Variants in HSPG2 observed in about 807,000 individuals in gnomAD.
HSPG2 encodes basement membrane-specific heparan sulfate proteoglycan core protein.
A neutral mutation model predicts 526.6 loss-of-function variants in HSPG2; 278 were observed. The observed-to-expected ratio is 0.53, with a 90% CI of 0.48 to 0.58. HSPG2 has a LOEUF of 0.58. Ranked by LOEUF, HSPG2 falls within the 20% of genes least tolerant of loss-of-function variation. The probability of loss-of-function intolerance (pLI) is 0.00; values close to 1 mark genes in which losing one functional copy is unlikely to be tolerated. For missense variants in HSPG2, 5,354 were observed against 6,099.5 expected, an observed-to-expected ratio of 0.88 and a Z score of 4.07; for synonymous variants, 2,465 against 2,555.4, an observed-to-expected ratio of 0.96 and a Z score of 1.07.
In HSPG2 at chr1:21,833,595, G is replaced by C; in HGVS notation, c.10850C>G (p.Pro3617Arg). The C allele has an allele frequency of 6.2e-7, 1 of 1,614,120 alleles. No individual in the cohort carries two copies. The highest frequency in any genetic ancestry group is 1.1e-5 in the South Asian group (1 of 91,082). The part of the protein sequence containing the change: ...SWSKLDGSLP[P>R]DSRLENNMLM... ...CATGTTGTTCTCCAGGCGGCTGTCA[G>C]GTGGCAGGCTGCCATCCAGCTGCAA... Residue 3617 changes from proline (P) to arginine (R), a missense_variant, in exon 79 of 97, where the codon CCT becomes CGT. Pro to Arg is a moderately radical substitution (Grantham distance 103, BLOSUM62 -2). Coordinates refer to ENST00000374695, the MANE Select transcript of HSPG2 (RefSeq NM_005529.7).
rs373117039 is a variant in HSPG2 at position 21,854,341 on chromosome 1, C to T, written c.6291G>A (p.Val2097=). Residue 2097 remains valine, a splice_region_variant and synonymous_variant, in exon 50 of 97, where the codon GTG becomes GTA. Transcript: ENST00000374695. ...GGGGGAGCCGCAGACGGGAGCCGTG[C>T]ACCTGGGCCAGGAGGAGCCAGAGGT... ...RGGSLPPHTQ[V]HGSRLRLPQV... 4.5e-6 allele frequency: 7 copies of T among 1,566,882 alleles called. No individual in the cohort carries two copies. The African/African-American group carries it at 5.4e-5, about 12-fold the overall frequency.
At chr1:21,899,828 C>G (rs969913733) in intron 1 of HSPG2, among the ~76,000 whole-genome samples, 1 of 152,212 alleles carries the variant, frequency 6.6e-6, no homozygotes, top group African/African-American at 2.4e-5. Context: ...GCATCCCACC[C>G]CAAGCCTTCT....
intron 1 of HSPG2, among the ~76,000 whole-genome samples, chr1:21,912,909 G>A (rs1034303225): frequency 6.6e-6 from 1 of 152,022 alleles, no homozygotes; most frequent in African/African-American, 2.4e-5. Flanking sequence ...GAACCCGGGA[G>A]GCGGAGGTTG....
rs546923274 is a variant in HSPG2 at position 21,884,637 on chromosome 1, G to T, written c.1545C>A (p.Ser515Arg). The T allele has an allele frequency of 1.2e-6, 2 of 1,611,558 alleles. No individual in the cohort carries two copies. Among genetic ancestry groups the T allele is most frequent in the Non-Finnish European group, 1.7e-6 (2 of 1,179,776 alleles). Residue 515 changes from serine to arginine, a missense_variant, in exon 13 of 97, where the codon AGC becomes AGA. By Grantham distance (110) the Ser-to-Arg change is moderately radical. Coordinates refer to ENST00000374695, the MANE Select transcript of HSPG2 (RefSeq NM_005529.7). ...AGCAGAAGCAGGGCAGGCAGGCGGC[G>T]CTGTGCTCCAGGTAGAAGTGGCCGT... ...CPDGHFYLEHSAACLPCFCFG... is the reference protein window; with the variant it reads ...CPDGHFYLEHRAACLPCFCFG...
intron 45 of HSPG2, 24 bp downstream of exon 45, chr1:21,855,763 A>G: frequency 6.2e-7 from 1 of 1,612,048 alleles, no homozygotes; most frequent in Non-Finnish European, 8.5e-7. Flanking sequence ...CAGGCCTTGA[A>G]TGTCATTCCC....
rs1639216832 is a variant in HSPG2 at position 21,854,955 on chromosome 1, G to C, written c.6026C>G (p.Thr2009Arg). 1 of 1,613,826 alleles carries C rather than the reference G, an allele frequency of 6.2e-7. No individual in the cohort carries two copies. The highest frequency in any genetic ancestry group is 1.7e-5 in the Admixed American group (1 of 60,024). Residue 2009 changes from threonine to arginine, a missense_variant, in exon 48 of 97, where the codon ACA (threonine) becomes AGA (arginine). Physicochemically the swap from Thr to Arg is moderately conservative, Grantham distance 71. Coordinates refer to ENST00000374695, the MANE Select transcript of HSPG2 (RefSeq NM_005529.7). The part of the protein sequence containing the change: ...QARSERTDIA[T>R]LLIPAITTAD... ...AGTCGTGATGGCTGGGATGAGCAGT[G>C]TCGCGATGTCTGTGCGCTCTGACCG...
chr1:21,879,199 C>A, intron 17 of HSPG2, 78 bp from the exon 18 acceptor site: 1 of 1,544,456 alleles, frequency 6.5e-7, no homozygotes, highest in South Asian at 1.1e-5. Context: ...TGGAGGCTGT[C>A]TAGCTCAGCC....
chr1:21,890,537 G>C lies in HSPG2; in HGVS notation c.354+48C>G, dbSNP rs1161220987. 2.5e-6 allele frequency: 4 copies of C among 1,609,030 alleles called. No individual in the cohort carries two copies. The highest frequency in any genetic ancestry group is 3.4e-6 in the Non-Finnish European group (4 of 1,176,092). ...CCCAGAGGCCTTCACCCCATCCTCG[G>C]TCCTGCCCCGCCACACCCGCGAGCT... On this transcript the variant is annotated intron_variant, in intron 4 of 96. Transcript: ENST00000374695. This position sits in a 1 kb window ranked among gnomAD's most constrained non-coding sequence, Gnocchi z 4.1.
intron 1 of HSPG2, among the ~76,000 whole-genome samples, chr1:21,900,745 C>A (rs370121097): frequency 6.6e-6 from 1 of 152,064 alleles, no homozygotes; most frequent in African/African-American, 2.4e-5. Context: ...ATTAGCCCAG[C>A]GCGGTGGTGC....
chr1:21,833,340 G>A lies in HSPG2; in HGVS notation c.11023C>T (p.Pro3675Ser), dbSNP rs1166261864. The A allele has an allele frequency of 1.4e-5, 22 of 1,614,142 alleles. No homozygotes were observed. Among genetic ancestry groups the A allele is most frequent in the Non-Finnish European group, 1.9e-5 (22 of 1,180,000 alleles). Residue 3675 changes from proline to serine, a missense_variant, in exon 80 of 97, where the codon CCG (proline) becomes TCG (serine). Coordinates refer to ENST00000374695, the MANE Select transcript of HSPG2 (RefSeq NM_005529.7). ...YFTQTPYSFL[P>S]LPTIKDAYRK... ...TAGGCATCCTTGATGGTGGGCAGCG[G>A]TAGGAAGGAGTAGGGGGTCTGCGTG...
At position 21,851,618 on chromosome 1, in the gene HSPG2, G is replaced by A. The variant is rs139001173; in HGVS notation, c.7086C>T (p.Cys2362=). 2.4e-3 allele frequency: 3,952 copies of A among 1,613,992 alleles called. 11 individuals are homozygous for A. The highest frequency in any genetic ancestry group is 2.9e-3 in the African/African-American group (217 of 75,048). Residue 2362 remains cysteine, a synonymous_variant, in exon 55 of 97, where the codon TGC becomes TGT. Coordinates refer to ENST00000374695, the MANE Select transcript of HSPG2 (RefSeq NM_005529.7). The part of the protein sequence containing the change: ...VAEGQTLDLN[C]VVPGQSHAQV... ...GGGCATGGGACTGCCCGGGCACCACGCAGTTCAGATCCAGGGTCTGCCCTT... is the reference window on the plus strand; with the variant it reads ...GGGCATGGGACTGCCCGGGCACCACACAGTTCAGATCCAGGGTCTGCCCTT...
intron 29 of HSPG2, 92 bp from the exon 30 acceptor site, chr1:21,873,516 T>C (rs1347723906): frequency 8.3e-6 from 10 of 1,198,610 alleles, no homozygotes; most frequent in Non-Finnish European, 1.0e-5. Flanking sequence ...TTCAATGGCC[T>C]CATGCACTGG....
At position 21,824,758 on chromosome 1, in the gene HSPG2, G is replaced by A; in HGVS notation, c.12611C>T (p.Ala4204Val). The A allele has an allele frequency of 1.2e-6, 2 of 1,613,224 alleles. No homozygotes were observed. The highest frequency in any genetic ancestry group is 1.7e-4 in the Middle Eastern group (1 of 6,060). Residue 4204 changes from alanine to valine, a missense_variant, in exon 92 of 97, where the codon GCC (alanine) becomes GTC (valine). By Grantham distance (64) the Ala-to-Val change is moderately conservative (BLOSUM62 0). Transcript: ENST00000374695. The surrounding 1 kb of genome is among the most constrained non-coding windows in gnomAD (Gnocchi z 5.9). The part of the protein sequence containing the change: ...GGNDAPGQYG[A>V]YFHDDGFLAF... ...GAGGAAGCCATCATCGTGGAAATAG[G>A]CTCCGTACTGCCCAGGGGCATCTGT...
chr1:21,850,477 G>C lies in HSPG2; in HGVS notation c.7180C>G (p.Leu2394Val). Reference protein sequence around the residue: ...RHQTHGSLLRLYQASPADSGE... With the variant: ...RHQTHGSLLRVYQASPADSGE... ...GAGTCGGCGGGGGACGCTTGGTAGA[G>C]TCTCAGCAGGGAGCCGTGGGTCTGG... The change falls in exon 56 of 97, where the codon CTC (leucine) becomes GTC (valine). Residue 2394 changes from leucine (L) to valine (V), a missense_variant. Physicochemically the swap from Leu to Val is conservative, Grantham distance 32. Transcript: ENST00000374695. 6.2e-7 allele frequency: 1 copy of C among 1,611,610 alleles called. No individual in the cohort carries two copies. The highest frequency in any genetic ancestry group is 1.1e-5 in the South Asian group (1 of 90,876).
At chr1:21,921,467 G>A (rs1480279121) in intron 1 of HSPG2, among the ~76,000 whole-genome samples, 1 of 152,126 alleles carries the variant, frequency 6.6e-6, no homozygotes, top group Non-Finnish European at 1.5e-5. Context: ...GGGACCCCAG[G>A]TGCACAAGCT....
At chr1:21,896,390 G>T in intron 1 of HSPG2, 80 bp from the exon 2 acceptor site, 4 of 1,557,762 alleles carry the variant, frequency 2.6e-6, no homozygotes, top group Non-Finnish European at 3.5e-6. Flanking sequence ...ACTTCCAGGG[G>T]GACCCAGAAT....
In HSPG2 at chr1:21,860,218, A is replaced by G. The variant is rs374915307; in HGVS notation, c.4973T>C (p.Val1658Ala). Residue 1658 changes from valine to alanine, a missense_variant, in exon 40 of 97, where the codon GTG becomes GCG. Transcript: ENST00000374695. ...QYCEQCGPGY[V>A]GNPSVQGGQC... ...GCCCCCTTGCACACTGGGGTTACCC[A>G]CGTAACCTGGGCCACACCTGTAAGG... The G allele has an allele frequency of 3.1e-6, 5 of 1,613,482 alleles. No individual in the cohort carries two copies. The Admixed American group carries it at 5.0e-5, about 16-fold the overall frequency.
At chr1:21,935,804 C>G (rs988563705) in intron 1 of HSPG2, among the ~76,000 whole-genome samples, 10 of 152,118 alleles carry the variant, frequency 6.6e-5, no homozygotes, top group African/African-American at 2.4e-4. Context: ...AAGTTCAGGT[C>G]AAGACTAGGG....
intron 14 of HSPG2, among the ~76,000 whole-genome samples, chr1:21,881,077 T>C (rs549824169): frequency 1.0e-3 from 153 of 152,202 alleles, no homozygotes; most frequent in African/African-American, 3.5e-3. Context: ...GGGAAGCCAG[T>C]GCGGAGGCAC....
Sources: allele counts gnomAD v4.1 joint callset (sites outside exome capture counted in the v4.1 genomes callset), GRCh38; gene constraint gnomAD v4.1.1; non-coding constraint Gnocchi (gnomAD v3.1); transcripts MANE v1.5; gene names NCBI Gene and HGNC (gene_info 2026-07-23, HGNC 2026-07-21).